MRPL4: variants seen among roughly 807,000 people sequenced by gnomAD.
The protein encoded by MRPL4 is large ribosomal subunit protein uL4m.
MRPL4 carries 34 observed loss-of-function variants against 34.1 expected under a neutral mutation model. The ratio of observed to expected loss-of-function variants is 1.00; its 90% CI spans 0.76 to 1.33. MRPL4 has a LOEUF of 1.33. Ranked by LOEUF, MRPL4 falls within the 40% of genes most tolerant of loss-of-function variation. MRPL4 has a pLI of 0.00. For synonymous variants in MRPL4, 196 were observed against 188.3 expected (o/e 1.04, Z -0.33); for missense variants, 402 against 434.6 (o/e 0.92, Z 0.67).
At chr19:10,258,038 C>A (rs568641261) in intron 5 of MRPL4, among the ~76,000 whole-genome samples, 184 bp from the exon 6 acceptor site, 16 of 152,070 alleles carry the variant, frequency 1.1e-4, no homozygotes, top group African/African-American at 3.6e-4. Context: ...AAACTGAAGC[C>A]CAGTGAAGCA....
chr19:10,260,041 A>G lies in MRPL4; in HGVS notation c.*228A>G, dbSNP rs2039899336. The G allele has an allele frequency of 2.1e-6, 1 of 465,720 alleles. No homozygotes were observed. Among genetic ancestry groups the G allele is most frequent in the East Asian group, 3.6e-5 (1 of 27,790 alleles). 28.8% of individuals were successfully genotyped at this position (465,720 alleles called of 1,614,324 possible). Reference sequence around the variant, plus strand: ...TTTTTAAAATAAATTGTATTTTTGAATCAAGGAGGATAAAGATAACTTCTC... The same window carrying G: ...TTTTTAAAATAAATTGTATTTTTGAGTCAAGGAGGATAAAGATAACTTCTC... On this transcript the variant is annotated 3_prime_UTR_variant, in exon 9 of 9. Transcript: ENST00000253099.
intron 5 of MRPL4, 41 bp downstream of exon 5, chr19:10,256,866 G>GGGGGGGGGGGGGGGGGGCC: frequency 2.6e-5 from 10 of 378,374 alleles, no homozygotes; most frequent in Non-Finnish European, 4.5e-5. Flanking sequence ...GGGTGGGGGG[G>GGGGGGGGGGGGGGGGGGCC]CCAGGGAAGG....
chr19:10,251,976 T>A (rs1208458053), upstream of MRPL4: 5 of 516,730 alleles, frequency 9.7e-6, no homozygotes, highest in African/African-American at 2.0e-5. Flanking sequence ...CAAAGTAGGC[T>A]AGGCCTACGG....
intron 8 of MRPL4, 122 bp downstream of exon 8, chr19:10,258,807 C>A: frequency 1.2e-6 from 2 of 1,601,572 alleles, no homozygotes; most frequent in Non-Finnish European, 1.7e-6. Flanking sequence ...CTCCCGGACC[C>A]AACCTTCAGC....
intron 3 of MRPL4, chr19:10,252,962 C>T: frequency 2.1e-6 from 1 of 474,224 alleles, no homozygotes; most frequent in South Asian, 4.2e-5. Flanking sequence ...CCTGCCTTCC[C>T]CTCTTGTCCC....
At chr19:10,256,866 G>GGGGGGGGGGGGGGGGGGGGGGGGGGGCC in intron 5 of MRPL4, 41 bp downstream of exon 5, 16 of 378,334 alleles carry the variant, frequency 4.2e-5, no homozygotes, top group East Asian at 1.8e-4. Flanking sequence ...GGGTGGGGGG[G>GGGGGGGGGGGGGGGGGGGGGGGGGGGCC]CCAGGGAAGG....
At chr19:10,252,806 T>G in intron 3 of MRPL4, 105 bp downstream of exon 3, 1 of 1,406,388 alleles carries the variant, frequency 7.1e-7, no homozygotes, top group Non-Finnish European at 9.6e-7. Flanking sequence ...GTGCTGTATT[T>G]CTACAGCCTC....
upstream of MRPL4, chr19:10,252,131 C>T (rs1305828004): frequency 7.9e-7 from 1 of 1,267,550 alleles, no homozygotes; most frequent in Non-Finnish European, 1.1e-6. Context: ...CGGTTTTGCA[C>T]ACCCCGCTTT....
intron 3 of MRPL4, 168 bp downstream of exon 3, chr19:10,252,869 T>G (rs2039808643): frequency 9.8e-7 from 1 of 1,016,492 alleles, no homozygotes; most frequent in African/African-American, 1.6e-5. Context: ...GCTGTAGCGC[T>G]GTGTGAGATT....
At position 10,252,237 on chromosome 19, in the gene MRPL4, T is replaced by A. The variant is rs778682744; in HGVS notation, c.-17T>A. 1 of 1,592,878 alleles carries A rather than the reference T, an allele frequency of 6.3e-7. No individual in the cohort carries two copies. Among genetic ancestry groups the A allele is most frequent in the South Asian group, 1.1e-5 (1 of 89,934 alleles). On this transcript the variant is annotated 5_prime_UTR_variant, in exon 1 of 9. Transcript: ENST00000253099. ...CCAGTGGCCTTGACCTCCCGCGGCG[T>A]GGGAGGCTGCGCGGCGATGCTGCAG...
At chr19:10,256,974 C>A in intron 5 of MRPL4, 149 bp downstream of exon 5, 2 of 613,438 alleles carry the variant, frequency 3.3e-6, no homozygotes, top group East Asian at 6.8e-5. Flanking sequence ...CTGGTGACAT[C>A]GGAACTGAGG....
upstream of MRPL4, chr19:10,251,973 G>A (rs1314923996): frequency 5.8e-6 from 3 of 515,256 alleles, no homozygotes; most frequent in South Asian, 5.5e-5. Context: ...ACCCAAAGTA[G>A]GCTAGGCCTA....
intron 8 of MRPL4, chr19:10,258,991 T>C: frequency 7.1e-7 from 1 of 1,402,274 alleles, no homozygotes; most frequent in Non-Finnish European, 9.3e-7. Context: ...TCCCAGCTAC[T>C]CGGGGGCTGA....
Position 10,256,708 on chromosome 19 carries a change from A to G in MRPL4, c.328A>G (p.Ser110Gly). The change falls in exon 5 of 9, where the codon AGC (serine) becomes GGC (glycine). Residue 110 changes from serine to glycine, a missense_variant and splice_region_variant. By Grantham distance (56) the Ser-to-Gly change is moderately conservative. Coordinates refer to ENST00000253099, the MANE Select transcript of MRPL4 (RefSeq NM_015956.3). ...AMWQKNFKRI[S>G]YAKTKTRAEV... ...ACCCCCCTCCTCTTTGTGCCTCCAG[A>G]GCTATGCCAAGACCAAGACGAGAGC... The G allele has an allele frequency of 6.2e-7, 1 of 1,610,776 alleles. No homozygotes were observed. Among genetic ancestry groups the G allele is most frequent in the Non-Finnish European group, 8.5e-7 (1 of 1,178,408 alleles).
In MRPL4 at chr19:10,259,016, T is replaced by C. The variant is rs2039880610; in HGVS notation, c.739+331T>C. 7 of 1,403,400 alleles carry C rather than the reference T, an allele frequency of 5.0e-6. No individual in the cohort carries two copies. In the East Asian group the frequency reaches 1.3e-4, roughly 26 times the overall value. The allele number at this position is 1,403,400 out of a possible 1,614,324, so 86.9% of individuals were successfully genotyped here. A position where few individuals can be genotyped will look rare whatever the true frequency, so the allele number is the denominator to read the frequency against. ...TCGGGGGCTGAGCCAGGCGGATAGC[T>C]TGAGCTCAGGGGGCCAAGGCTGCAG... On this transcript the variant is annotated intron_variant, in intron 8 of 8. Coordinates refer to ENST00000253099, the MANE Select transcript of MRPL4 (RefSeq NM_015956.3).
chr19:10,254,570 G>T lies in MRPL4; in HGVS notation c.276-19G>T. 6.2e-7 allele frequency: 1 copy of T among 1,613,368 alleles called. No homozygotes were observed. Among genetic ancestry groups the T allele is most frequent in the South Asian group, 1.1e-5 (1 of 91,026 alleles). On this transcript the variant is annotated intron_variant, in intron 3 of 8. Transcript: ENST00000253099. ...TTTGAAGCAGAGTTGGGCTTCTCAT[G>T]TGTCCTTCCTCCCCGCAGGCTGGAC...
chr19:10,259,920 G>T lies in MRPL4; in HGVS notation c.*107G>T. 9.9e-7 allele frequency: 1 copy of T among 1,014,218 alleles called. No homozygotes were observed. The allele number at this position is 1,014,218 out of a possible 1,614,324, so 62.8% of individuals were successfully genotyped here. A position where few individuals can be genotyped will look rare whatever the true frequency, so the allele number is the denominator to read the frequency against. On this transcript the variant is annotated 3_prime_UTR_variant, in exon 9 of 9. Coordinates refer to ENST00000253099, the MANE Select transcript of MRPL4 (RefSeq NM_015956.3). The stretch of plus-strand genomic sequence containing the variant: ...GTCACCTGGACCCCTTCATTCCACG[G>T]AGGAAGCTGAGGCCACAGGGAGCGG...
At chr19:10,258,096 C>T (rs2039868236) in intron 5 of MRPL4, 126 bp from the exon 6 acceptor site, 4 of 658,620 alleles carry the variant, frequency 6.1e-6, no homozygotes, top group Non-Finnish European at 1.1e-5. Context: ...CCTGAGGCCC[C>T]ACCCTCTCTG....
chr19:10,256,933 C>A, intron 5 of MRPL4, 108 bp downstream of exon 5: 1 of 915,206 alleles, frequency 1.1e-6, no homozygotes, highest in Non-Finnish European at 1.6e-6. Context: ...TATGTCAGCC[C>A]TGTTCCCTCC....
Sources: gnomAD v4.1 joint callset for allele counts (sites outside exome capture counted in the v4.1 genomes callset) on GRCh38, gnomAD v4.1.1 for gene constraint, MANE v1.5 for transcripts, NCBI Gene and HGNC (gene_info 2026-07-23, HGNC 2026-07-21) for gene names.